PCDHGA3: variants seen among roughly 807,000 people sequenced by gnomAD.
The protein encoded by PCDHGA3 is protocadherin gamma-A3.
A neutral mutation model predicts 58.5 loss-of-function variants in PCDHGA3; 40 were observed. The observed-to-expected ratio is 0.68, with a 90% CI of 0.53 to 0.89. PCDHGA3 has a LOEUF of 0.89. PCDHGA3 is among the 40% of genes least tolerant of loss of function. The pLI is 0.00. For missense variants in PCDHGA3, 1,223 were observed against 1,195.9 expected, an observed-to-expected ratio of 1.02 and a Z score of -0.33; for synonymous variants, 530 against 525.7, an observed-to-expected ratio of 1.01 and a Z score of -0.11.
At chr5:141,382,861 TC>T in intron 1 of PCDHGA3, 1 of 1,514,402 alleles carries the variant, frequency 6.6e-7, no homozygotes, top group South Asian at 1.3e-5. Flanking sequence ...CTGAAGCACT[TC>T]CCGAGATCGG....
At chr5:141,409,331 G>A (rs1447189643) in intron 1 of PCDHGA3, 1 of 1,613,818 alleles carries the variant, frequency 6.2e-7, no homozygotes, top group African/African-American at 1.3e-5. Context: ...TCTGGATTTC[G>A]GAGGAAATGG....
chr5:141,415,740 GTTTTTTTTT>G (rs57426385), intron 1 of PCDHGA3: 9,508 of 621,550 alleles, frequency 0.015, 13 homozygotes, highest in Non-Finnish European at 0.016. Context: ...GTTTATTAAG[GTTTTTTTTT>G]TTTTTTTTTT....
intron 1 of PCDHGA3, chr5:141,394,163 T>C (rs1207627975): frequency 3.7e-6 from 6 of 1,613,782 alleles, no homozygotes; most frequent in Non-Finnish European, 5.1e-6. Flanking sequence ...ACAACCCTCC[T>C]ACTTTCCCTC....
rs757503771 is a variant in PCDHGA3 at position 141,433,052 on chromosome 5, A to C, written c.2425-61755A>C. 31 of 1,614,060 alleles carry C rather than the reference A, an allele frequency of 1.9e-5. No homozygotes were observed. Among genetic ancestry groups the C allele is most frequent in the Non-Finnish European group, 1.8e-5 (21 of 1,180,044 alleles). On this transcript the variant is annotated intron_variant, in intron 1 of 3. Coordinates refer to ENST00000253812, the MANE Select transcript of PCDHGA3 (RefSeq NM_018916.4). ...GGTTTCCCTCACCACGGACTCGCGG[A>C]AGAGTCACCTGATCTTCCCCCAGCC...
At chr5:141,443,792 A>G (rs540226154) in intron 1 of PCDHGA3, among the ~76,000 whole-genome samples, 67 of 152,366 alleles carry the variant, frequency 4.4e-4, no homozygotes, top group African/African-American at 1.4e-3. Flanking sequence ...AAAAAAAATG[A>G]AAAGGAAACA....
At chr5:141,427,617 G>A (rs1295636754) in intron 1 of PCDHGA3, 3 of 694,694 alleles carry the variant, frequency 4.3e-6, no homozygotes, top group Admixed American at 2.0e-5. Flanking sequence ...TGAAGTCAAC[G>A]ACAATGCTCC....
At chr5:141,446,035 A>G (rs1300621298) in intron 1 of PCDHGA3, among the ~76,000 whole-genome samples, 1 of 152,222 alleles carries the variant, frequency 6.6e-6, no homozygotes, top group Non-Finnish European at 1.5e-5. Context: ...CTGGTAAGAA[A>G]TGGAAGAAGA....
chr5:141,372,786 T>C (rs765183690), intron 1 of PCDHGA3: 6 of 1,605,480 alleles, frequency 3.7e-6, no homozygotes, highest in Non-Finnish European at 4.3e-6. Context: ...AGAAATGCCT[T>C]CTAATTCAGG....
intron 1 of PCDHGA3, chr5:141,384,375 C>T (rs190245807): frequency 6.2e-7 from 1 of 1,613,912 alleles, no homozygotes; most frequent in South Asian, 1.1e-5. Flanking sequence ...ATTCCTTGGC[C>T]GAAGACACCA....
At chr5:141,360,048 A>C in intron 1 of PCDHGA3, 2 of 1,434,382 alleles carry the variant, frequency 1.4e-6, no homozygotes, top group Non-Finnish European at 1.8e-6. Flanking sequence ...ACAGAAAACA[A>C]AAGCAGGAAA....
chr5:141,355,212 T>C, intron 1 of PCDHGA3: 1 of 1,600,656 alleles, frequency 6.2e-7, no homozygotes. Flanking sequence ...TGGCGGCGCC[T>C]CCTGCTCGCC....
chr5:141,386,463 C>T (rs2090584678), intron 1 of PCDHGA3, among the ~76,000 whole-genome samples: 1 of 152,034 alleles, frequency 6.6e-6, no homozygotes, highest in Admixed American at 6.6e-5. Context: ...ACAGCTTGAA[C>T]CCAAGAATTG....
At position 141,346,128 on chromosome 5, in the gene PCDHGA3, G is replaced by T; in HGVS notation, c.2095G>T (p.Ala699Ser). The T allele has an allele frequency of 6.2e-7, 1 of 1,613,952 alleles. No individual in the cohort carries two copies. Among genetic ancestry groups the T allele is most frequent in the East Asian group, 2.2e-5 (1 of 44,870 alleles). The change falls in exon 1 of 4, where the codon GCG becomes TCG. Residue 699 changes from alanine (A) to serine (S), a missense_variant. Coordinates refer to ENST00000253812, the MANE Select transcript of PCDHGA3 (RefSeq NM_018916.4). ...LTLYLVVAVAAVSCVFLAFVI... is the reference protein window; with the variant it reads ...LTLYLVVAVASVSCVFLAFVI... ...TCTGTACCTGGTGGTGGCGGTGGCC[G>T]CGGTCTCCTGCGTCTTCCTGGCCTT... is the stretch of plus-strand genomic sequence containing the variant.
intron 1 of PCDHGA3, among the ~76,000 whole-genome samples, chr5:141,482,811 C>T (rs1397161943): frequency 2.0e-5 from 3 of 152,164 alleles, no homozygotes; most frequent in Non-Finnish European, 4.4e-5. Context: ...GTGGCTCATG[C>T]CTGTAATCCT....
intron 1 of PCDHGA3, chr5:141,415,481 A>G: frequency 1.9e-6 from 3 of 1,614,114 alleles, no homozygotes; most frequent in Non-Finnish European, 1.7e-6. Flanking sequence ...GACTCGCGAA[A>G]GAGTCACCTG....
Position 141,511,201 on chromosome 5 carries a change from G to A in PCDHGA3, c.*28G>A, listed in dbSNP as rs2099883661. On this transcript the variant is annotated 3_prime_UTR_variant, in exon 4 of 4. Transcript: ENST00000253812. ...TGGAGGCCAGGCCAAGAGCCACAGG[G>A]CGGCCTCTCCCCAACCAGCCCAGCT... 2 of 1,612,600 alleles carry A rather than the reference G, an allele frequency of 1.2e-6. No homozygotes were observed. The highest frequency in any genetic ancestry group is 1.7e-6 in the Non-Finnish European group (2 of 1,179,344).
At chr5:141,375,926 G>T (rs1450226627) in intron 1 of PCDHGA3, 1 of 1,613,758 alleles carries the variant, frequency 6.2e-7, no homozygotes, top group South Asian at 1.1e-5. Flanking sequence ...CAGCGAGCCA[G>T]GACTTTTCTC....
intron 1 of PCDHGA3, chr5:141,372,062 C>A (rs1768364404): frequency 1.2e-6 from 2 of 1,613,470 alleles, no homozygotes; most frequent in Non-Finnish European, 1.7e-6. Flanking sequence ...ACGACCGCAA[C>A]GACAATGCAC....
intron 1 of PCDHGA3, chr5:141,428,889 C>G (rs1486441305): frequency 1.3e-5 from 2 of 150,826 alleles, no homozygotes; most frequent in African/African-American, 4.9e-5. Flanking sequence ...GAGTCTCGCT[C>G]TGTGGTCCAG....
Sources: allele counts gnomAD v4.1 joint callset (sites outside exome capture counted in the v4.1 genomes callset), GRCh38; gene constraint gnomAD v4.1.1; transcripts MANE v1.5; gene names NCBI Gene and HGNC (gene_info 2026-07-23, HGNC 2026-07-21).